PFKFB1: variants seen among roughly 807,000 people sequenced by gnomAD.
The protein encoded by PFKFB1 is 6-phosphofructo-2-kinase/fructose-2,6-bisphosphatase 1.
PFKFB1 carries 34 observed loss-of-function variants against 46.4 expected under a neutral mutation model. That is an observed-to-expected ratio of 0.73 (90% confidence interval 0.56 to 0.98). The LOEUF (loss-of-function observed/expected upper bound fraction) is 0.98. PFKFB1 is among the 50% of genes least tolerant of loss of function. The pLI is 0.00. For synonymous variants in PFKFB1, 119 were observed against 133.8 expected (o/e 0.89, Z 0.76); for missense variants, 393 against 376.3 (o/e 1.04, Z -0.37).
chrX:54,980,257 T>C (rs912174849), intron 1 of PFKFB1, among the ~76,000 whole-genome samples: 7 of 111,355 alleles, frequency 6.3e-5, no homozygotes, highest in African/African-American at 2.3e-4. Context: ...GGTTAATTTA[T>C]TACACAGTAG....
chrX:54,994,043 A>G lies in PFKFB1; in HGVS notation c.-36T>C, dbSNP rs751317459. On this transcript the variant is annotated 5_prime_UTR_variant, in exon 1 of 14. Transcript: ENST00000375006. ...GCACCGAATGACATCACTGCCCACA[A>G]GGTACCTGGCCTCACTTCCTATCTT... 6.8e-6 allele frequency: 8 copies of G among 1,176,925 alleles called. 1 individual carries two copies. The African/African-American group carries it at 1.2e-4, about 18-fold the overall frequency.
chrX:54,980,318 TAC>T (rs35051444), intron 1 of PFKFB1, among the ~76,000 whole-genome samples: 248 of 105,718 alleles, frequency 2.3e-3, no homozygotes, highest in Middle Eastern at 9.8e-3. Flanking sequence ...TGATTTAACA[TAC>T]ACACACACAC....
At chrX:54,985,690 T>C (rs1166917174) in intron 1 of PFKFB1, among the ~76,000 whole-genome samples, 1 of 110,479 alleles carries the variant, frequency 9.1e-6, no homozygotes, top group East Asian at 2.8e-4. Flanking sequence ...TATAAAATAA[T>C]ACTTATAATG....
At chrX:54,952,468 C>A (rs1934016652) in intron 7 of PFKFB1, among the ~76,000 whole-genome samples, 1 of 111,103 alleles carries the variant, frequency 9.0e-6, no homozygotes, top group Admixed American at 9.5e-5. Flanking sequence ...GCATCCCTGG[C>A]TAGCTCCAAT....
rs1487069759 is a variant in PFKFB1 at position 54,993,982 on chromosome X, G to A, written c.26C>T (p.Thr9Ile). ...CCAGATCTTCTGCAACCTGGTTTGG[G>A]TGAGCTCTCCCATCTCTGGAGACAT... MSPEMGELTQTRLQKIWIP... is the reference protein window; with the variant it reads MSPEMGELIQTRLQKIWIP... The change falls in exon 1 of 14, where the codon ACC becomes ATC. Residue 9 changes from threonine to isoleucine, a missense_variant. Coordinates refer to ENST00000375006, the MANE Select transcript of PFKFB1 (RefSeq NM_002625.4). The A allele has an allele frequency of 8.3e-7, 1 of 1,206,284 alleles. No homozygotes were observed. The highest frequency in any genetic ancestry group is 1.8e-5 in the South Asian group (1 of 55,509).
intron 10 of PFKFB1, among the ~76,000 whole-genome samples, chrX:54,939,075 CA>C (rs1933514164): frequency 8.9e-6 from 1 of 111,866 alleles, no homozygotes; most frequent in African/African-American, 3.3e-5. Context: ...TAGAAGAACT[CA>C]GGATTAAGAA....
At chrX:54,975,181 T>C (rs1280481140) in intron 1 of PFKFB1, among the ~76,000 whole-genome samples, 1 of 111,218 alleles carries the variant, frequency 9.0e-6, no homozygotes, top group Non-Finnish European at 1.9e-5. Context: ...CACTTCACAA[T>C]TGCAAAACTA....
intron 3 of PFKFB1, among the ~76,000 whole-genome samples, chrX:54,960,376 C>G (rs886310856): frequency 8.9e-6 from 1 of 112,490 alleles, no homozygotes; most frequent in Non-Finnish European, 1.9e-5. Context: ...GGCACAGGCT[C>G]TATTCTGCAA....
In PFKFB1 at chrX:54,970,199, G is replaced by A. The variant is rs911782861; in HGVS notation, c.98-6817C>T. ...GCTGGGATTATAGGCATGAGCCACT[G>A]CAGCCGGCCCAAAATCTATTTTTAA... On this transcript the variant is annotated intron_variant, in intron 1 of 13. Coordinates refer to ENST00000375006, the MANE Select transcript of PFKFB1 (RefSeq NM_002625.4). Among the ~76,000 whole-genome samples, 4 of 111,571 alleles carry A rather than the reference G, an allele frequency of 3.6e-5. No homozygotes were observed. The East Asian group carries it at 1.1e-3, about 31-fold the overall frequency.
intron 1 of PFKFB1, among the ~76,000 whole-genome samples, chrX:54,984,512 A>T (rs1405893293): frequency 8.9e-6 from 1 of 112,303 alleles, no homozygotes; most frequent in Non-Finnish European, 1.9e-5. Context: ...AATGGAATAC[A>T]GTACATGAAG....
intron 1 of PFKFB1, among the ~76,000 whole-genome samples, chrX:54,968,169 T>C (rs1291135582): frequency 3.5e-5 from 2 of 57,122 alleles, no homozygotes. Flanking sequence ...ATGTCCTTTG[T>C]AGGGACATGG....
intron 13 of PFKFB1, 97 bp downstream of exon 13, chrX:54,933,724 C>A: frequency 1.3e-6 from 1 of 747,863 alleles, no homozygotes; most frequent in Non-Finnish European, 2.0e-6. Flanking sequence ...GCAAAACACC[C>A]AGGCTTGGTG....
At chrX:54,983,369 T>C (rs1186497714) in intron 1 of PFKFB1, among the ~76,000 whole-genome samples, 1 of 111,304 alleles carries the variant, frequency 9.0e-6, no homozygotes, top group Non-Finnish European at 1.9e-5. Flanking sequence ...TGTTCCCCTC[T>C]ATGTCCATGT....
chrX:54,969,145 G>C (rs1190950177), intron 1 of PFKFB1, among the ~76,000 whole-genome samples: 2 of 111,488 alleles, frequency 1.8e-5, no homozygotes, highest in African/African-American at 6.5e-5. Flanking sequence ...CAAAGTTCAT[G>C]TGTTGGAACT....
At chrX:54,939,838 G>A (rs1349108361) in intron 10 of PFKFB1, among the ~76,000 whole-genome samples, 4 of 111,788 alleles carry the variant, frequency 3.6e-5, no homozygotes, top group Non-Finnish European at 7.5e-5. Flanking sequence ...GTACCATTCC[G>A]TCTGAAACTA....
At chrX:54,957,266 C>G (rs937619984) in intron 6 of PFKFB1, among the ~76,000 whole-genome samples, 1 of 111,536 alleles carries the variant, frequency 9.0e-6, no homozygotes, top group African/African-American at 3.3e-5. Flanking sequence ...CTTCAAGGTA[C>G]CATTCATTTT....
chrX:54,978,381 G>C (rs1934890922), intron 1 of PFKFB1, among the ~76,000 whole-genome samples: 1 of 111,403 alleles, frequency 9.0e-6, no homozygotes, highest in Admixed American at 9.5e-5. Flanking sequence ...GAATAAATAA[G>C]GGAAGCAGAA....
intron 1 of PFKFB1, among the ~76,000 whole-genome samples, chrX:54,969,135 C>T (rs1934564671): frequency 9.0e-6 from 1 of 111,573 alleles, no homozygotes; most frequent in Admixed American, 9.5e-5. Context: ...ATACATCCTC[C>T]AAAGTTCATG....
intron 7 of PFKFB1, among the ~76,000 whole-genome samples, chrX:54,953,671 T>C (rs1361647553): frequency 1.3e-4 from 14 of 111,567 alleles, no homozygotes. Context: ...TACTGTCTGT[T>C]CCTAACACTA....
Sources: allele counts gnomAD v4.1 joint callset (sites outside exome capture counted in the v4.1 genomes callset), GRCh38; gene constraint gnomAD v4.1.1; transcripts MANE v1.5; gene names NCBI Gene and HGNC (gene_info 2026-07-23, HGNC 2026-07-21).